Variants in VWC2 observed in about 807,000 individuals in gnomAD.
VWC2 encodes the protein brorin.
VWC2 carries 14 observed loss-of-function variants against 29.8 expected under a neutral mutation model. The ratio of observed to expected loss-of-function variants is 0.47; its 90% CI spans 0.31 to 0.74. The LOEUF (loss-of-function observed/expected upper bound fraction) is 0.74. Ranked by LOEUF, VWC2 falls within the 30% of genes least tolerant of loss-of-function variation. The pLI is 0.05. For synonymous variants in VWC2, 213 were observed against 199.0 expected (o/e 1.07, Z -0.59); for missense variants, 457 against 459.8 (o/e 0.99, Z 0.05).
intron 3 of VWC2, among the ~76,000 whole-genome samples, chr7:49,873,362 C>T (rs537112977): frequency 6.6e-6 from 1 of 152,244 alleles, no homozygotes; most frequent in African/African-American, 2.4e-5. Flanking sequence ...GGAGGGAGAG[C>T]AGGAGCTCTC....
chr7:49,864,952 C>G (rs1001202432), intron 3 of VWC2, among the ~76,000 whole-genome samples: 1 of 152,126 alleles, frequency 6.6e-6, no homozygotes, highest in Non-Finnish European at 1.5e-5. Context: ...CTGACAGTTC[C>G]TGTTTGTTTT....
rs888405820 is a variant in VWC2 at position 49,775,739 on chromosome 7, G to A, written c.304G>A (p.Gly102Arg). 6.6e-7 allele frequency: 1 copy of A among 1,511,916 alleles called. No homozygotes were observed. The highest frequency in any genetic ancestry group is 8.8e-7 in the Non-Finnish European group (1 of 1,133,322). 93.7% of individuals were successfully genotyped at this position (1,511,916 alleles called of 1,614,324 possible). A position where few individuals can be genotyped will look rare whatever the true frequency, so the allele number is the denominator to read the frequency against. Residue 102 changes from glycine to arginine, a missense_variant, in exon 2 of 4, where the codon GGG (glycine) becomes AGG (arginine). Gly to Arg is a moderately radical substitution (Grantham distance 125). Coordinates refer to ENST00000340652, the MANE Select transcript of VWC2 (RefSeq NM_198570.5). ...GAAGCAGGCCTGGGTCTCCCAGGGC[G>A]GGGGCGCCAAGGCCGGGGATCTGCA... ...KLKQAWVSQG[G>R]GAKAGDLQVR...
At chr7:49,904,187 A>G (rs1792951640) in intron 3 of VWC2, among the ~76,000 whole-genome samples, 1 of 152,160 alleles carries the variant, frequency 6.6e-6, no homozygotes, top group South Asian at 2.1e-4. Flanking sequence ...CTGCAGCTCA[A>G]CTTTACAGGC....
At position 49,788,328 on chromosome 7, in the gene VWC2, G is replaced by T. The variant is rs540792991; in HGVS notation, c.696+12197G>T. On this transcript the variant is annotated intron_variant, in intron 2 of 3. Coordinates refer to ENST00000340652, the MANE Select transcript of VWC2 (RefSeq NM_198570.5). ...GCTGTTGGAGCCCGGCCAGCTTTGG[G>T]CAAAGGCAGACTGATGGGTGCCTTT... is the stretch of plus-strand genomic sequence containing the variant. Among the ~76,000 whole-genome samples the T allele has an allele frequency of 2.0e-5, 3 of 152,314 alleles. No individual in the cohort carries two copies. The East Asian group carries it at 5.8e-4, about 29-fold the overall frequency.
chr7:49,845,140 G>A (rs1291506585), intron 3 of VWC2, among the ~76,000 whole-genome samples: 1 of 152,224 alleles, frequency 6.6e-6, no homozygotes, highest in Admixed American at 6.5e-5. Context: ...TGGGGGTGGG[G>A]GAAGGGAGAG....
At chr7:49,861,010 A>T (rs1011503725) in intron 3 of VWC2, among the ~76,000 whole-genome samples, 11 of 152,252 alleles carry the variant, frequency 7.2e-5, no homozygotes, top group Non-Finnish European at 1.3e-4. Flanking sequence ...TTTAAATGGT[A>T]GCTCTAGGGA....
At chr7:49,870,836 T>A (rs989474904) in intron 3 of VWC2, among the ~76,000 whole-genome samples, 1 of 152,186 alleles carries the variant, frequency 6.6e-6, no homozygotes, top group African/African-American at 2.4e-5. Flanking sequence ...TACTGATGCT[T>A]GTGGGAGAAT....
At chr7:49,851,876 A>G (rs952780352) in intron 3 of VWC2, among the ~76,000 whole-genome samples, 4 of 151,788 alleles carry the variant, frequency 2.6e-5, no homozygotes, top group African/African-American at 7.3e-5. Flanking sequence ...AAAGTCCACT[A>G]CAAAATGGCC....
chr7:49,790,480 A>G (rs1788441209), intron 2 of VWC2, among the ~76,000 whole-genome samples: 2 of 152,236 alleles, frequency 1.3e-5, no homozygotes. Flanking sequence ...TCTTTTCTGA[A>G]TGGCACAGGC....
chr7:49,775,403 C>A lies in VWC2; in HGVS notation c.-33C>A. On this transcript the variant is annotated 5_prime_UTR_variant, in exon 2 of 4. Transcript: ENST00000340652. ...TGCGACTCGCCCCTCGGCCGCGCTC[C>A]CCGCCCGCCCGCCCGCCGGGACGTG... The A allele has an allele frequency of 2.3e-6, 2 of 868,960 alleles. No homozygotes were observed. The highest frequency in any genetic ancestry group is 2.8e-5 in the South Asian group (1 of 35,684). The allele number at this position is 868,960 out of a possible 1,614,324, so 53.8% of individuals were successfully genotyped here. A position where few individuals can be genotyped will look rare whatever the true frequency, so the allele number is the denominator to read the frequency against.
intron 3 of VWC2, among the ~76,000 whole-genome samples, chr7:49,840,058 G>A (rs1321996166): frequency 6.6e-6 from 1 of 152,214 alleles, no homozygotes; most frequent in Non-Finnish European, 1.5e-5. Context: ...TGGCCCACGG[G>A]CTGACCAGGC....
chr7:49,857,668 G>A (rs62456371), intron 3 of VWC2, among the ~76,000 whole-genome samples: 4 of 152,012 alleles, frequency 2.6e-5, no homozygotes, highest in Non-Finnish European at 5.9e-5. Flanking sequence ...GTGAGGATAT[G>A]GGGAAATTAG....
At chr7:49,873,000 T>A (rs1202543101) in intron 3 of VWC2, among the ~76,000 whole-genome samples, 1 of 139,310 alleles carries the variant, frequency 7.2e-6, no homozygotes, top group East Asian at 2.1e-4. Flanking sequence ...AATAAAAAAA[T>A]CTGAGAAATG....
chr7:49,863,300 C>T (rs191565948), intron 3 of VWC2, among the ~76,000 whole-genome samples: 89 of 152,270 alleles, frequency 5.8e-4, no homozygotes, highest in Middle Eastern at 3.4e-3. Flanking sequence ...TGTGAGCTCC[C>T]ACTTTCATTC....
chr7:49,819,606 A>G (rs546805137), intron 3 of VWC2, among the ~76,000 whole-genome samples: 19 of 152,364 alleles, frequency 1.2e-4, no homozygotes, highest in Non-Finnish European at 2.6e-4. Flanking sequence ...TCACATGTAT[A>G]TTTCATACAT....
At chr7:49,887,389 TGACA>T (rs1791947520) in intron 3 of VWC2, among the ~76,000 whole-genome samples, 2 of 152,238 alleles carry the variant, frequency 1.3e-5, no homozygotes, top group African/African-American at 2.4e-5. Flanking sequence ...TCATCAAGAA[TGACA>T]GACAAAGATA....
intron 3 of VWC2, among the ~76,000 whole-genome samples, chr7:49,889,871 G>C (rs1030623841): frequency 1.3e-5 from 2 of 152,132 alleles, no homozygotes; most frequent in African/African-American, 4.8e-5. Context: ...TTCTGAAATA[G>C]GGAGACCATC....
chr7:49,912,124 A>T lies in VWC2; in HGVS notation c.917A>T (p.Glu306Val). ...ECTICHCTYE[E>V]GTWRIERQAM... is the part of the protein sequence containing the mutation. ...ACCATATGCCACTGTACTTATGAGGAAGGCACATGGAGAATCGAGCGGCAG... is the reference window on the plus strand; with the variant it reads ...ACCATATGCCACTGTACTTATGAGGTAGGCACATGGAGAATCGAGCGGCAG... Residue 306 changes from glutamate (E) to valine (V), a missense_variant, in exon 4 of 4, where the codon GAA (glutamate) becomes GTA (valine). Transcript: ENST00000340652. 6.2e-7 allele frequency: 1 copy of T among 1,614,172 alleles called. No homozygotes were observed. The highest frequency in any genetic ancestry group is 8.5e-7 in the Non-Finnish European group (1 of 1,180,018).
chr7:49,811,596 G>A (rs1789008187), intron 3 of VWC2, among the ~76,000 whole-genome samples: 1 of 152,118 alleles, frequency 6.6e-6, no homozygotes, highest in Admixed American at 6.6e-5. Flanking sequence ...ATATTTAGCA[G>A]TATGAGAACA....
Sources: allele counts gnomAD v4.1 joint callset (sites outside exome capture counted in the v4.1 genomes callset), GRCh38; gene constraint gnomAD v4.1.1; transcripts MANE v1.5; gene names NCBI Gene and HGNC (gene_info 2026-07-23, HGNC 2026-07-21).